The following TXLNB variants were observed in gnomAD, a reference collection of about 807,000 sequenced individuals.
The protein encoded by TXLNB is beta-taxilin.
Under a neutral mutation model 57.4 loss-of-function variants are expected in TXLNB, and 37 were observed. That is an observed-to-expected ratio of 0.64 (90% CI 0.50 to 0.85). The LOEUF (loss-of-function observed/expected upper bound fraction) is 0.85. TXLNB is among the 40% of genes least tolerant of loss of function. TXLNB has a pLI of 0.00. For synonymous variants in TXLNB, 302 were observed against 309.6 expected, an observed-to-expected ratio of 0.98 and a Z score of 0.26; for missense variants, 848 against 825.6, an observed-to-expected ratio of 1.03 and a Z score of -0.33.
the TXLNB span, among the ~76,000 whole-genome samples, chr6:139,211,994 GC>G: frequency 6.6e-6 from 1 of 152,170 alleles, no homozygotes; most frequent in Non-Finnish European, 1.5e-5. Flanking sequence ...GACCAAATCT[GC>G]GTCTAATTGG....
At chr6:139,210,419 A>C in the TXLNB span, among the ~76,000 whole-genome samples, 3 of 152,264 alleles carry the variant, frequency 2.0e-5, no homozygotes, top group African/African-American at 7.2e-5. Context: ...ACACATGTTT[A>C]CAGCAGCACA....
At chr6:139,311,629 C>G in the TXLNB span, among the ~76,000 whole-genome samples, 1 of 151,994 alleles carries the variant, frequency 6.6e-6, no homozygotes, top group Non-Finnish European at 1.5e-5. Flanking sequence ...TCATTTTTAC[C>G]TGAGATGTAC....
At chr6:139,171,585 A>G in the TXLNB span, among the ~76,000 whole-genome samples, 10 of 152,198 alleles carry the variant, frequency 6.6e-5, no homozygotes, top group African/African-American at 2.4e-4. Flanking sequence ...CATGTCTTCA[A>G]TCACCAATTA....
Position 139,241,026 on chromosome 6 carries a change from T to C in TXLNB, c.*1500A>G, listed in dbSNP as rs778774293. ...TCCTCTCTCTCCCTCTCTTCTTTCC[T>C]GTTTCATTGTTGCAGCTATCCTTTA... On this transcript the variant is annotated 3_prime_UTR_variant, in exon 10 of 10. Transcript: ENST00000358430. The C allele has an allele frequency of 6.6e-6, 1 of 152,376 alleles. No individual in the cohort carries two copies. Among genetic ancestry groups the C allele is most frequent in the Non-Finnish European group, 1.5e-5 (1 of 68,060 alleles). The allele number at this position is 152,376 out of a possible 1,614,324, so 9.4% of individuals were successfully genotyped here.
chr6:139,258,597 AT>A, intron 6 of TXLNB, among the ~76,000 whole-genome samples: 1 of 152,318 alleles, frequency 6.6e-6, no homozygotes, highest in East Asian at 1.9e-4. Flanking sequence ...TTGAAAATTT[AT>A]TTTAAAATTA....
At chr6:139,223,489 A>G in the TXLNB span, among the ~76,000 whole-genome samples, 1 of 152,188 alleles carries the variant, frequency 6.6e-6, no homozygotes, top group East Asian at 1.9e-4. Flanking sequence ...AACAAAGGCC[A>G]ATATTTGGTC....
the TXLNB span, among the ~76,000 whole-genome samples, chr6:139,321,438 C>G: frequency 3.3e-5 from 5 of 152,038 alleles, no homozygotes; most frequent in African/African-American, 1.2e-4. Context: ...GATCTTGGGT[C>G]TCCCGGCCTC....
the TXLNB span, among the ~76,000 whole-genome samples, chr6:139,305,266 C>G: frequency 1.3e-5 from 2 of 152,062 alleles, no homozygotes; most frequent in African/African-American, 2.4e-5. Flanking sequence ...AATTTTTGAG[C>G]ATGTGGTGTG....
intron 7 of TXLNB, among the ~76,000 whole-genome samples, chr6:139,248,221 C>T (rs1000280376): frequency 8.7e-5 from 13 of 149,750 alleles, no homozygotes; most frequent in East Asian, 2.0e-4. Context: ...TGCAGTGAGC[C>T]GAGATCGTGC....
chr6:139,294,244 C>T (rs765815207), upstream of TXLNB, among the ~76,000 whole-genome samples: 2 of 152,150 alleles, frequency 1.3e-5, no homozygotes, highest in Non-Finnish European at 2.9e-5. Context: ...AACATGAATA[C>T]TCTATTGACT....
At chr6:139,215,424 T>C in the TXLNB span, among the ~76,000 whole-genome samples, 4 of 152,212 alleles carry the variant, frequency 2.6e-5, no homozygotes, top group African/African-American at 9.6e-5. Flanking sequence ...GCTAGCCATA[T>C]ATAGAAAGCT....
chr6:139,246,914 C>CAA (rs368500125), intron 8 of TXLNB, among the ~76,000 whole-genome samples: 46 of 111,618 alleles, frequency 4.1e-4, no homozygotes, highest in Non-Finnish European at 6.4e-4. Flanking sequence ...AATTCCATCT[C>CAA]AAAAAAAAAA....
chr6:139,193,904 C>G, the TXLNB span, among the ~76,000 whole-genome samples: 3 of 138,822 alleles, frequency 2.2e-5, no homozygotes, highest in South Asian at 2.3e-4. Flanking sequence ...TGCAGTGGCG[C>G]GATCTCGGCT....
chr6:139,260,901 C>A (rs1776464285), intron 5 of TXLNB, among the ~76,000 whole-genome samples: 2 of 152,170 alleles, frequency 1.3e-5, no homozygotes, highest in African/African-American at 4.8e-5. Flanking sequence ...GCATTCTTGC[C>A]TCTGGCGTTG....
At chr6:139,254,976 G>C (rs990716168) in intron 7 of TXLNB, among the ~76,000 whole-genome samples, 4 of 151,980 alleles carry the variant, frequency 2.6e-5, no homozygotes, top group Non-Finnish European at 4.4e-5. Context: ...ATGCTACCAC[G>C]CCTGGCTAAT....
At chr6:139,169,601 T>G in the TXLNB span, 1 of 152,208 alleles carries the variant, frequency 6.6e-6, no homozygotes, top group African/African-American at 2.4e-5. Flanking sequence ...AAAGGATAAT[T>G]TAATGACTTC....
the TXLNB span, among the ~76,000 whole-genome samples, chr6:139,232,491 C>T: frequency 0.66 from 100,293 of 152,070 alleles, 33,514 homozygotes; most frequent in East Asian, 0.81. Flanking sequence ...GTAGTCCTGT[C>T]GCACTAGTTC....
chr6:139,257,517 G>A (rs1776375069), intron 6 of TXLNB, among the ~76,000 whole-genome samples: 3 of 152,140 alleles, frequency 2.0e-5, no homozygotes, highest in Admixed American at 2.0e-4. Flanking sequence ...TTACTAAACT[G>A]GGGCAAATTT....
At chr6:139,195,185 A>G in the TXLNB span, among the ~76,000 whole-genome samples, 1 of 152,114 alleles carries the variant, frequency 6.6e-6, no homozygotes, top group Non-Finnish European at 1.5e-5. Context: ...GGATGGATTG[A>G]GTCCTTCTCA....
Sources: allele counts gnomAD v4.1 joint callset (sites outside exome capture counted in the v4.1 genomes callset), GRCh38; gene constraint gnomAD v4.1.1; transcripts MANE v1.5; gene names NCBI Gene and HGNC (gene_info 2026-07-23, HGNC 2026-07-21).